Variants in KIF1C observed in about 807,000 individuals in gnomAD.
The protein encoded by KIF1C is kinesin-like protein KIF1C.
KIF1C carries 61 observed loss-of-function variants against 126.5 expected under a neutral mutation model. That is an observed-to-expected ratio of 0.48 (90% CI 0.39 to 0.60). The LOEUF is 0.60. KIF1C is among the 20% of genes least tolerant of loss of function. The pLI is 0.00. For synonymous variants in KIF1C, 640 were observed against 580.6 expected (o/e 1.10, Z -1.47); for missense variants, 1,315 against 1,489.2 (o/e 0.88, Z 1.93).
At chr17:5,013,811 C>T in intron 17 of KIF1C, 79 bp downstream of exon 17, 4 of 1,093,836 alleles carry the variant, frequency 3.7e-6, no homozygotes, top group Non-Finnish European at 5.6e-6. Flanking sequence ...ATTGGTGTCT[C>T]CCTTCCCTGG....
intron 21 of KIF1C, 131 bp from the exon 22 acceptor site, chr17:5,021,960 TG>T: frequency 1.0e-6 from 1 of 968,226 alleles, no homozygotes; most frequent in South Asian, 1.6e-5. Context: ...GGTGCGCTGT[TG>T]GGGTGGAGCA....
At position 5,000,317 on chromosome 17, in the gene KIF1C, C is replaced by G; in HGVS notation, c.71C>G (p.Ala24Gly). ...AACGCCCGTGAGACCAGCCAGGATG[C>G]CAAGTGTGTGGTCAGCATGCAGGGC... is the stretch of plus-strand genomic sequence containing the variant. ...PFNARETSQD[A>G]KCVVSMQGNT... Residue 24 changes from alanine (A) to glycine (G), a missense_variant, in exon 3 of 23, where the codon GCC becomes GGC. This residue lies in a region of KIF1C where 874 missense variants were observed against 1,053.2 expected (regional missense o/e 0.83). Coordinates refer to ENST00000320785, the MANE Select transcript of KIF1C (RefSeq NM_006612.6). 1.3e-6 allele frequency: 2 copies of G among 1,593,852 alleles called. No homozygotes were observed. Among genetic ancestry groups the G allele is most frequent in the Non-Finnish European group, 1.7e-6 (2 of 1,171,422 alleles).
chr17:5,024,079 A>C lies in KIF1C; in HGVS notation c.3240A>C (p.Pro1080=), dbSNP rs1443699859. 4 of 1,583,404 alleles carry C rather than the reference A, an allele frequency of 2.5e-6. No individual in the cohort carries two copies. The highest frequency in any genetic ancestry group is 2.3e-5 in the East Asian group (1 of 43,484). ...GGCCCCCAGGGCCCCGCTACCCCCCATACACTACTCCCCCACGAATGAGAC... is the reference window on the plus strand; with the variant it reads ...GGCCCCCAGGGCCCCGCTACCCCCCCTACACTACTCCCCCACGAATGAGAC... ...AQRPPGPRYP[P]YTTPPRMRRQ... Residue 1080 remains proline, a synonymous_variant, in exon 23 of 23, where the codon CCA becomes CCC. Transcript: ENST00000320785.
chr17:5,001,094 G>A, intron 4 of KIF1C, 128 bp from the exon 5 acceptor site: 3 of 1,030,294 alleles, frequency 2.9e-6, no homozygotes, highest in Non-Finnish European at 3.0e-6. Flanking sequence ...GGACAATGAT[G>A]AGGGTGGGAG....
chr17:5,023,723 C>T lies in KIF1C; in HGVS notation c.2884C>T (p.Leu962=), dbSNP rs1403525205. Residue 962 remains leucine (L), a synonymous_variant, in exon 23 of 23, where the codon CTG becomes TTG. Transcript: ENST00000320785. This position sits in a 1 kb window ranked among gnomAD's most constrained non-coding sequence, Gnocchi z 4.2. ...LQGSGGRGGG[L]RRPPARFVPP... ...GGGCTCTGGGGGCCGGGGCGGGGGG[C>T]TGCGCAGGCCCCCAGCCCGCTTTGT... The T allele has an allele frequency of 2.0e-6, 3 of 1,536,464 alleles. No individual in the cohort carries two copies. The highest frequency in any genetic ancestry group is 2.6e-6 in the Non-Finnish European group (3 of 1,144,792).
rs560189053 is a variant in KIF1C, at chr17:5,006,099, C to T, written c.1166-816C>T. Among the ~76,000 whole-genome samples, 27 of 149,262 alleles carry T rather than the reference C, an allele frequency of 1.8e-4. 1 individual carries two copies. The South Asian group carries it at 4.2e-3, about 23-fold the overall frequency. On this transcript the variant is annotated intron_variant, in intron 13 of 22. Transcript: ENST00000320785. ...GCACGCACCTGTAATCCCAGCTACTCGGGAGACTGAGGCAGGAGAATCACT... is the reference window on the plus strand; with the variant it reads ...GCACGCACCTGTAATCCCAGCTACTTGGGAGACTGAGGCAGGAGAATCACT...
chr17:4,998,089 C>T lies in KIF1C; in HGVS notation c.-216C>T, dbSNP rs967729152. 1.3e-5 allele frequency: 2 copies of T among 151,920 alleles called. No homozygotes were observed. The highest frequency in any genetic ancestry group is 4.8e-5 in the African/African-American group (2 of 41,428). The allele number at this position is 151,920 out of a possible 1,614,324, so 9.4% of individuals were successfully genotyped here. Reference sequence around the variant, plus strand: ...AACCGGCCCCAGATCCTTCCCGCTTCCGCCTCACGCTTCCCGGAAAGCTTG... The same window carrying T: ...AACCGGCCCCAGATCCTTCCCGCTTTCGCCTCACGCTTCCCGGAAAGCTTG... On this transcript the variant is annotated 5_prime_UTR_variant, in exon 1 of 23. Coordinates refer to ENST00000320785, the MANE Select transcript of KIF1C (RefSeq NM_006612.6).
In KIF1C at chr17:5,022,558, GA is replaced by G. The variant is rs1131690773; in HGVS notation, c.2478del (p.Ala828ArgfsTer13). 1 of 1,592,284 alleles carries G rather than the reference GA, an allele frequency of 6.3e-7. No homozygotes were observed. On this transcript the variant is annotated frameshift_variant, in exon 22 of 23. Transcript: ENST00000320785. LOFTEE classifies it high-confidence loss of function. This position sits in a 1 kb window ranked among gnomAD's most constrained non-coding sequence, Gnocchi z 4.9. Reference sequence around the variant, plus strand: ...GGTGGTGGCAGTGAGGAGGGAGCCCGAGGGGCGGAGGTGGAGGACCTCCGGG... The same window carrying G: ...GGTGGTGGCAGTGAGGAGGGAGCCCGGGGGCGGAGGTGGAGGACCTCCGGG... ...GSGGGSEEGARGAEVEDLRAH... is the reference protein window; with the variant it reads ...GSGGGSEEGAXGAEVEDLRAH...
chr17:5,024,072 A>AC lies in KIF1C; in HGVS notation c.3239dup (p.Tyr1081IlefsTer15). 1.3e-6 allele frequency: 2 copies of AC among 1,588,026 alleles called. No individual in the cohort carries two copies. Among genetic ancestry groups the AC allele is most frequent in the Non-Finnish European group, 1.7e-6 (2 of 1,166,564 alleles). On this transcript the variant is annotated frameshift_variant, in exon 23 of 23. Coordinates refer to ENST00000320785, the MANE Select transcript of KIF1C (RefSeq NM_006612.6). LOFTEE classifies it high-confidence loss of function. ...GCCCAGCGGCCCCCAGGGCCCCGCT[A>AC]CCCCCCATACACTACTCCCCCACGA... is the stretch of plus-strand genomic sequence containing the variant.
At position 5,024,224 on chromosome 17, in the gene KIF1C, C is replaced by T; in HGVS notation, c.*73C>T. On this transcript the variant is annotated 3_prime_UTR_variant, in exon 23 of 23. Coordinates refer to ENST00000320785, the MANE Select transcript of KIF1C (RefSeq NM_006612.6). ...AGGGAAGACGCCCGAGACGCTGCTT[C>T]CCCAGAAGTGCTGGGGCAGGGAGGC... is the stretch of plus-strand genomic sequence containing the variant. 1.8e-6 allele frequency: 2 copies of T among 1,115,738 alleles called. No individual in the cohort carries two copies. The highest frequency in any genetic ancestry group is 2.5e-5 in the East Asian group (1 of 39,740). The allele number at this position is 1,115,738 out of a possible 1,614,324, so 69.1% of individuals were successfully genotyped here.
Position 4,999,890 on chromosome 17 carries a change from G to A in KIF1C, c.-108G>A, listed in dbSNP as rs1194024617. On this transcript the variant is annotated 5_prime_UTR_variant, in exon 2 of 23. Transcript: ENST00000320785. ...CCCAGCTGGTGTGGCCAGGCCCCAG[G>A]AGTAGGATGGGGCTCCCCCTACGAG... The A allele has an allele frequency of 3.9e-6, 1 of 257,464 alleles. No individual in the cohort carries two copies. Among genetic ancestry groups the A allele is most frequent in the Non-Finnish European group, 7.6e-6 (1 of 131,676 alleles). 15.9% of individuals were successfully genotyped at this position (257,464 alleles called of 1,614,324 possible).
chr17:5,006,576 TC>T (rs919518699), intron 13 of KIF1C, among the ~76,000 whole-genome samples: 15 of 152,212 alleles, frequency 9.9e-5, no homozygotes, highest in African/African-American at 3.6e-4. Context: ...CCTCAGGTGA[TC>T]CACCCGCCTG....
Position 5,020,907 on chromosome 17 carries a change from C to T in KIF1C, c.2010+29C>T. On this transcript the variant is annotated intron_variant, in intron 21 of 22. Coordinates refer to ENST00000320785, the MANE Select transcript of KIF1C (RefSeq NM_006612.6). The surrounding 1 kb of genome is among the most constrained non-coding windows in gnomAD (Gnocchi z 5.8). ...AGGGGCAGCAGGGGCTGGGGATGGG[C>T]TGATGGGCAGATGAGCCGCAAGCCT... is the stretch of plus-strand genomic sequence containing the variant. The T allele has an allele frequency of 6.4e-7, 1 of 1,552,956 alleles. No homozygotes were observed. Among genetic ancestry groups the T allele is most frequent in the Non-Finnish European group, 8.7e-7 (1 of 1,145,480 alleles).
intron 11 of KIF1C, 85 bp from the exon 12 acceptor site, chr17:5,004,482 G>C: frequency 8.0e-7 from 1 of 1,247,898 alleles, no homozygotes; most frequent in Non-Finnish European, 1.2e-6. Flanking sequence ...CCTCTGCCTG[G>C]GCAGTGGGCC....
intron 16 of KIF1C, among the ~76,000 whole-genome samples, chr17:5,010,722 A>ATG (rs1974845228): frequency 6.6e-6 from 1 of 151,328 alleles, no homozygotes; most frequent in Non-Finnish European, 1.5e-5. Flanking sequence ...ACTCCAGCCC[A>ATG]GGTGACAGAG....
At position 5,020,900 on chromosome 17, in the gene KIF1C, G is replaced by A. The variant is rs202076197; in HGVS notation, c.2010+22G>A. 839 of 1,561,558 alleles carry A rather than the reference G, an allele frequency of 5.4e-4. 4 individuals carry two copies. The African/African-American group carries it at 0.01, about 19-fold the overall frequency. On this transcript the variant is annotated intron_variant, in intron 21 of 22. Coordinates refer to ENST00000320785, the MANE Select transcript of KIF1C (RefSeq NM_006612.6). The surrounding 1 kb of genome is among the most constrained non-coding windows in gnomAD (Gnocchi z 5.8). Reference sequence around the variant, plus strand: ...ACTGGTGAGGGGCAGCAGGGGCTGGGGATGGGCTGATGGGCAGATGAGCCG... The same window carrying A: ...ACTGGTGAGGGGCAGCAGGGGCTGGAGATGGGCTGATGGGCAGATGAGCCG...
At chr17:5,011,997 G>C (rs915026109) in intron 16 of KIF1C, 3 of 152,134 alleles carry the variant, frequency 2.0e-5, no homozygotes, top group Admixed American at 1.3e-4. Context: ...GTCCCTCCCA[G>C]AACACAGTGG....
At position 5,023,785 on chromosome 17, in the gene KIF1C, G is replaced by C; in HGVS notation, c.2946G>C (p.Lys982Asn). 1 of 1,521,108 alleles carries C rather than the reference G, an allele frequency of 6.6e-7. No individual in the cohort carries two copies. Among genetic ancestry groups the C allele is most frequent in the South Asian group, 1.3e-5 (1 of 75,560 alleles). 94.2% of individuals were successfully genotyped at this position (1,521,108 alleles called of 1,614,324 possible). A position where few individuals can be genotyped will look rare whatever the true frequency, so the allele number is the denominator to read the frequency against. The change falls in exon 23 of 23, where the codon AAG (lysine) becomes AAC (asparagine). Residue 982 changes from lysine (K) to asparagine (N), a missense_variant. Transcript: ENST00000320785. The surrounding 1 kb of genome is among the most constrained non-coding windows in gnomAD (Gnocchi z 4.2). ...PHDCKLRFPF[K>N]SNPQHRESWP... ...ACTGCAAGCTACGCTTCCCCTTCAAGAGCAACCCCCAGCACCGGGAGTCTT... is the reference window on the plus strand; with the variant it reads ...ACTGCAAGCTACGCTTCCCCTTCAACAGCAACCCCCAGCACCGGGAGTCTT...
At chr17:5,000,951 G>C in intron 4 of KIF1C, 103 bp downstream of exon 4, 1 of 1,213,492 alleles carries the variant, frequency 8.2e-7, no homozygotes, top group Non-Finnish European at 1.2e-6. Context: ...GGATTAGTCA[G>C]GGTGAATTGG....
Sources: gnomAD v4.1 joint callset for allele counts (sites outside exome capture counted in the v4.1 genomes callset) on GRCh38, gnomAD v4.1.1 for gene constraint, gnomAD v4.1.1 regional missense constraint, Gnocchi (gnomAD v3.1) non-coding constraint, MANE v1.5 for transcripts, NCBI Gene and HGNC (gene_info 2026-07-23, HGNC 2026-07-21) for gene names.